The following CTNND1 variants were observed in gnomAD, a reference collection of about 807,000 sequenced individuals.
CTNND1 encodes catenin delta-1.
CTNND1 carries 16 observed loss-of-function variants against 112.1 expected under a neutral mutation model. The ratio of observed to expected loss-of-function variants is 0.14; its 90% CI spans 0.10 to 0.22. CTNND1 has a LOEUF of 0.22. CTNND1 is among the 10% of genes least tolerant of loss of function. The probability of loss-of-function intolerance (pLI) is 1.00; values close to 1 mark genes in which losing one functional copy is unlikely to be tolerated. For synonymous variants in CTNND1, 420 were observed against 446.5 expected, an observed-to-expected ratio of 0.94 and a Z score of 0.75; for missense variants, 1,008 against 1,257.0, an observed-to-expected ratio of 0.80 and a Z score of 3.00.
intron 5 of CTNND1, among the ~76,000 whole-genome samples, chr11:57,796,064 G>T (rs1429460985): frequency 6.6e-6 from 1 of 152,094 alleles, no homozygotes; most frequent in African/African-American, 2.4e-5. Flanking sequence ...GGGATATAAA[G>T]ATTTGTTTCT....
At chr11:57,813,463 A>C (rs570218028) in intron 17 of CTNND1, among the ~76,000 whole-genome samples, 6 of 152,266 alleles carry the variant, frequency 3.9e-5, no homozygotes. Flanking sequence ...GTATTTTGCA[A>C]GTGACAAATA....
chr11:57,811,786 T>G (rs2063387866), intron 17 of CTNND1, among the ~76,000 whole-genome samples: 1 of 44,686 alleles, frequency 2.2e-5, no homozygotes. Context: ...CATTTAATAC[T>G]TAATATTGTA....
At chr11:57,772,763 G>C (rs986202465) in intron 1 of CTNND1, among the ~76,000 whole-genome samples, 1 of 151,922 alleles carries the variant, frequency 6.6e-6, no homozygotes, top group Non-Finnish European at 1.5e-5. Context: ...TGGTTTAGCT[G>C]GTCTGTCCCT....
chr11:57,803,366 G>T (rs1277579187), intron 7 of CTNND1, among the ~76,000 whole-genome samples: 1 of 152,212 alleles, frequency 6.6e-6, no homozygotes, highest in East Asian at 1.9e-4. Context: ...GGGATTACAG[G>T]CGTGAGCCAC....
Position 57,804,729 on chromosome 11 carries a change from C to T in CTNND1, c.1671C>T (p.Ala557=). Reference sequence around the variant, plus strand: ...GGGAATGTGATGGTTTAGTTGATGCCCTCATTTTCATTGTTCAGGCTGAGA... The same window carrying T: ...GGGAATGTGATGGTTTAGTTGATGCTCTCATTTTCATTGTTCAGGCTGAGA... ...KLRECDGLVD[A]LIFIVQAEIG... is the part of the protein sequence containing the mutation. Residue 557 remains alanine (A), a synonymous_variant, in exon 9 of 21, where the codon GCC becomes GCT. Transcript: ENST00000399050. 2 of 1,613,870 alleles carry T rather than the reference C, an allele frequency of 1.2e-6. No homozygotes were observed. Among genetic ancestry groups the T allele is most frequent in the East Asian group, 2.2e-5 (1 of 44,878 alleles).
At chr11:57,791,801 T>G (rs887916750) in intron 3 of CTNND1, 128 bp downstream of exon 3, 2 of 1,040,146 alleles carry the variant, frequency 1.9e-6, no homozygotes, top group Non-Finnish European at 2.6e-6. Context: ...CCAGGGATTT[T>G]TTTCCAGGGG....
intron 1 of CTNND1, among the ~76,000 whole-genome samples, chr11:57,769,251 G>T (rs1951942567): frequency 6.6e-6 from 1 of 152,078 alleles, no homozygotes; most frequent in Non-Finnish European, 1.5e-5. Context: ...GGACCCGGGA[G>T]GTGGAGGTTG....
intron 1 of CTNND1, among the ~76,000 whole-genome samples, chr11:57,787,889 G>T (rs1299866137): frequency 6.6e-6 from 1 of 152,188 alleles, no homozygotes; most frequent in African/African-American, 2.4e-5. Context: ...CTGACCTAGA[G>T]CCCTGAGTAT....
intron 6 of CTNND1, among the ~76,000 whole-genome samples, chr11:57,797,861 A>C (rs1252135891): frequency 6.6e-6 from 1 of 150,530 alleles, no homozygotes; most frequent in African/African-American, 2.4e-5. Context: ...AAAAAAAAAA[A>C]AACAACTTGT....
In CTNND1 at chr11:57,761,847, C is replaced by T. The variant is rs1949940096; in HGVS notation, c.-486C>T. The T allele has an allele frequency of 1.0e-6, 1 of 984,794 alleles. No homozygotes were observed. Among genetic ancestry groups the T allele is most frequent in the South Asian group, 4.7e-5 (1 of 21,256 alleles). The allele number at this position is 984,794 out of a possible 1,614,324, so 61.0% of individuals were successfully genotyped here. Reference sequence around the variant, plus strand: ...AGGCTCCCTTGCCTTTGGCTGGGTGCAACTTCCATTTTAGGTGTTGGATCT... The same window carrying T: ...AGGCTCCCTTGCCTTTGGCTGGGTGTAACTTCCATTTTAGGTGTTGGATCT... On this transcript the variant is annotated 5_prime_UTR_variant, in exon 1 of 21. Transcript: ENST00000399050.
At chr11:57,767,635 A>C (rs562757897) in intron 1 of CTNND1, among the ~76,000 whole-genome samples, 3 of 151,384 alleles carry the variant, frequency 2.0e-5, no homozygotes, top group Non-Finnish European at 4.4e-5. Context: ...AAATTGCTTA[A>C]TCTCTCTCTG....
Position 57,805,859 on chromosome 11 carries a change from A to C in CTNND1, c.1723-23A>C, listed in dbSNP as rs373390909. On this transcript the variant is annotated intron_variant, in intron 9 of 20. Transcript: ENST00000399050. ...ATCACAATAGACATTCTTTTTTCTC[A>C]TTGGCCCTTTTATGTCCCTAAGCTT... The C allele has an allele frequency of 2.0e-5, 32 of 1,604,996 alleles. No individual in the cohort carries two copies. In the African/African-American group the frequency reaches 4.0e-4, roughly 20 times the overall value.
chr11:57,782,743 A>G (rs2136346630), intron 1 of CTNND1, among the ~76,000 whole-genome samples: 1 of 152,380 alleles, frequency 6.6e-6, no homozygotes, highest in Non-Finnish European at 1.5e-5. Context: ...TTGATTTAAC[A>G]CTTCTAAATG....
At chr11:57,770,453 G>C (rs1269421096) in intron 1 of CTNND1, among the ~76,000 whole-genome samples, 3 of 151,964 alleles carry the variant, frequency 2.0e-5, no homozygotes, top group Non-Finnish European at 2.9e-5. Context: ...AAGAGATTGA[G>C]ACCATCCTGG....
chr11:57,796,967 CCCT>C lies in CTNND1; in HGVS notation c.933_935del (p.Ser312del). ...TGGCACTGCCCGTCGGACTGGGACA[CCCT>C]CTGACCCTCGTCGGCGCCTCAGGTA... On this transcript the variant is annotated inframe_deletion, in exon 6 of 21. Transcript: ENST00000399050. 2 of 1,496,466 alleles carry C rather than the reference CCCT, an allele frequency of 1.3e-6. No individual in the cohort carries two copies. Among genetic ancestry groups the C allele is most frequent in the South Asian group, 1.4e-5 (1 of 72,466 alleles). 92.7% of individuals were successfully genotyped at this position (1,496,466 alleles called of 1,614,324 possible).
chr11:57,778,977 G>C (rs2059298412), intron 1 of CTNND1, among the ~76,000 whole-genome samples: 1 of 152,202 alleles, frequency 6.6e-6, no homozygotes, highest in Admixed American at 6.5e-5. Flanking sequence ...TAGCACTTAA[G>C]TTATATAAAT....
At chr11:57,806,567 C>T in intron 11 of CTNND1, 89 bp downstream of exon 11, 1 of 1,218,872 alleles carries the variant, frequency 8.2e-7, no homozygotes, top group Non-Finnish European at 1.2e-6. Context: ...TAACCTTTCC[C>T]TGTCTATGCA....
chr11:57,766,080 C>T (rs1217242629), intron 1 of CTNND1, among the ~76,000 whole-genome samples: 1 of 152,076 alleles, frequency 6.6e-6, no homozygotes, highest in Non-Finnish European at 1.5e-5. Flanking sequence ...CCAGACTGGG[C>T]TTGCAGAGCC....
chr11:57,795,865 C>T (rs1032088946), intron 5 of CTNND1, 136 bp downstream of exon 5: 23 of 978,766 alleles, frequency 2.3e-5, no homozygotes, highest in Non-Finnish European at 3.3e-5. Flanking sequence ...GATCTCTGGC[C>T]AGATAGAAAG....
Sources: gnomAD v4.1 joint callset for allele counts (sites outside exome capture counted in the v4.1 genomes callset) on GRCh38, gnomAD v4.1.1 for gene constraint, MANE v1.5 for transcripts, NCBI Gene and HGNC (gene_info 2026-07-23, HGNC 2026-07-21) for gene names.